The following WNT16 variants were observed in gnomAD, a reference collection of about 807,000 sequenced individuals.
WNT16 encodes Wnt family member 16.
Under a neutral mutation model 35.4 loss-of-function variants are expected in WNT16, and 20 were observed. The observed-to-expected ratio is 0.56, with a 90% CI of 0.40 to 0.82. The LOEUF (loss-of-function observed/expected upper bound fraction) is 0.82, where lower values mean the gene tolerates loss of function less well. WNT16 is among the 40% of genes least tolerant of loss of function. The pLI, the probability that WNT16 is intolerant of heterozygous loss-of-function variation, is 0.00. For missense variants in WNT16, 461 were observed against 466.0 expected (o/e 0.99, Z 0.10); for synonymous variants, 180 against 179.2 (o/e 1.00, Z -0.03).
Position 121,329,584 on chromosome 7 carries a change from C to T in WNT16, c.113C>T (p.Ser38Phe), listed in dbSNP as rs199729085. The change falls in exon 2 of 4, where the codon TCC (serine) becomes TTC (phenylalanine). Residue 38 changes from serine to phenylalanine, a missense_variant. Transcript: ENST00000222462. Reference sequence around the variant, plus strand: ...TCTTACAGGTGGTTGGGCATTGCCTCCTTCGGGGTTCCAGAGAAGCTGGGC... The same window carrying T: ...TCTTACAGGTGGTTGGGCATTGCCTTCTTCGGGGTTCCAGAGAAGCTGGGC... The part of the protein sequence containing the change: ...QGNWMWLGIA[S>F]FGVPEKLGCA... The T allele has an allele frequency of 1.2e-4, 187 of 1,614,098 alleles. No homozygotes were observed. Among genetic ancestry groups the T allele is most frequent in the Non-Finnish European group, 1.5e-4 (179 of 1,180,032 alleles).
chr7:121,328,968 G>C (rs1426148173), upstream of WNT16: 5 of 1,047,398 alleles, frequency 4.8e-6, no homozygotes, highest in Non-Finnish European at 5.8e-6. Flanking sequence ...GATGGGAGGA[G>C]AGGCCGGGGG....
chr7:121,329,367 C>T lies in WNT16; in HGVS notation c.75C>T (p.Tyr25=), dbSNP rs200254664. Residue 25 remains tyrosine, a synonymous_variant, in exon 1 of 4, where the codon TAC becomes TAT. Transcript: ENST00000222462. ...CAGCCCTGCTCGTGCTGTTCCCCTA[C>T]GGAGCCCAAGGAAACTGGATGTGAG... ...LWAALLVLFP[Y]GAQGNWMWLG... 9.9e-6 allele frequency: 16 copies of T among 1,610,430 alleles called. No individual in the cohort carries two copies. Among genetic ancestry groups the T allele is most frequent in the Admixed American group, 1.7e-5 (1 of 59,384 alleles).
chr7:121,329,828 G>A lies in WNT16; in HGVS notation c.346+11G>A. ...ACGAGCTGAGCAGCGGTGAGTCCTG[G>A]GTCCTTAGGGGTTGGTGGGGGACGG... On this transcript the variant is annotated intron_variant, in intron 2 of 3. Transcript: ENST00000222462. The A allele has an allele frequency of 6.3e-7, 1 of 1,596,332 alleles. No homozygotes were observed. The highest frequency in any genetic ancestry group is 8.5e-7 in the Non-Finnish European group (1 of 1,177,690).
chr7:121,338,057 G>T (rs984876599), intron 3 of WNT16, among the ~76,000 whole-genome samples: 7 of 152,170 alleles, frequency 4.6e-5, no homozygotes, highest in Admixed American at 2.0e-4. Context: ...AACCAGATTT[G>T]TCATAGTTTC....
In WNT16 at chr7:121,339,529, CAT is replaced by C; in HGVS notation, c.*185_*186del. ...TCCTTTATCTGATCAACCCATCAATCATGTGGATTTCTTGGGATTCTAATGTT... is the reference window on the plus strand; with the variant it reads ...TCCTTTATCTGATCAACCCATCAATCGTGGATTTCTTGGGATTCTAATGTT... On this transcript the variant is annotated 3_prime_UTR_variant, in exon 4 of 4. Coordinates refer to ENST00000222462, the MANE Select transcript of WNT16 (RefSeq NM_057168.2). 2 of 555,984 alleles carry C rather than the reference CAT, an allele frequency of 3.6e-6. No homozygotes were observed. Among genetic ancestry groups the C allele is most frequent in the Non-Finnish European group, 6.3e-6 (2 of 317,216 alleles). The allele number at this position is 555,984 out of a possible 1,614,324, so 34.4% of individuals were successfully genotyped here.
At position 121,329,558 on chromosome 7, in the gene WNT16, G is replaced by A; in HGVS notation, c.96-9G>A. ...GCGGCTTAACGCTACGGGCGGCCGTGTCTTACAGGTGGTTGGGCATTGCCT... is the reference window on the plus strand; with the variant it reads ...GCGGCTTAACGCTACGGGCGGCCGTATCTTACAGGTGGTTGGGCATTGCCT... On this transcript the variant is annotated splice_polypyrimidine_tract_variant and intron_variant, in intron 1 of 3. Transcript: ENST00000222462. 1.2e-6 allele frequency: 2 copies of A among 1,613,812 alleles called. No homozygotes were observed. Among genetic ancestry groups the A allele is most frequent in the Non-Finnish European group, 1.7e-6 (2 of 1,179,696 alleles).
chr7:121,338,259 G>A (rs887011469), intron 3 of WNT16, among the ~76,000 whole-genome samples: 5 of 152,094 alleles, frequency 3.3e-5, no homozygotes, highest in African/African-American at 7.2e-5. Flanking sequence ...CCCCCTGCCC[G>A]ACCAGTGAAA....
rs1191111101 is a variant in WNT16, at chr7:121,329,661, C to A, written c.190C>A (p.Pro64Thr). The A allele has an allele frequency of 1.2e-6, 2 of 1,614,086 alleles. No homozygotes were observed. Among genetic ancestry groups the A allele is most frequent in the Non-Finnish European group, 1.7e-6 (2 of 1,180,050 alleles). ...CCAGAAGGAGCTGTGCAAGAGGAAA[C>A]CGTACCTGCTGCCGAGCATCCGAGA... ...SRQKELCKRK[P>T]YLLPSIREGA... Residue 64 changes from proline to threonine, a missense_variant, in exon 2 of 4, where the codon CCG (proline) becomes ACG (threonine). Pro to Thr is a conservative substitution (Grantham distance 38). Coordinates refer to ENST00000222462, the MANE Select transcript of WNT16 (RefSeq NM_057168.2).
chr7:121,339,197 C>A lies in WNT16; in HGVS notation c.950C>A (p.Ala317Glu), dbSNP rs757088066. Residue 317 changes from alanine (A) to glutamate (E), a missense_variant, in exon 4 of 4, where the codon GCA becomes GAA. Ala to Glu is a moderately radical substitution (Grantham distance 107, BLOSUM62 -1). Coordinates refer to ENST00000222462, the MANE Select transcript of WNT16 (RefSeq NM_057168.2). ...GRECNRTSEG[A>E]DGCNLLCCGR... ...GAATGCAACCGTACATCAGAGGGTG[C>A]AGATGGCTGCAACCTCCTCTGCTGT... is the stretch of plus-strand genomic sequence containing the variant. The A allele has an allele frequency of 1.2e-6, 2 of 1,614,178 alleles. No homozygotes were observed. Among genetic ancestry groups the A allele is most frequent in the Non-Finnish European group, 8.5e-7 (1 of 1,180,024 alleles).
At position 121,329,372 on chromosome 7, in the gene WNT16, C is replaced by T; in HGVS notation, c.80C>T (p.Ala27Val). Residue 27 changes from alanine to valine, a missense_variant, in exon 1 of 4, where the codon GCC (alanine) becomes GTC (valine). Ala to Val is a moderately conservative substitution (Grantham distance 64). Transcript: ENST00000222462. ...CTGCTCGTGCTGTTCCCCTACGGAG[C>T]CCAAGGAAACTGGATGTGAGTATGG... is the stretch of plus-strand genomic sequence containing the variant. ...AALLVLFPYGAQGNWMWLGIA... is the reference protein window; with the variant it reads ...AALLVLFPYGVQGNWMWLGIA... The T allele has an allele frequency of 6.2e-7, 1 of 1,611,126 alleles. No individual in the cohort carries two copies.
At chr7:121,327,734 G>T (rs372968779), upstream of WNT16, among the ~76,000 whole-genome samples, 1 of 152,174 alleles carries the variant, frequency 6.6e-6, no homozygotes, top group African/African-American at 2.4e-5. Flanking sequence ...CACTTCAAAA[G>T]ATCTCTAAGG....
intron 3 of WNT16, among the ~76,000 whole-genome samples, chr7:121,333,920 T>A (rs1293468686): frequency 6.6e-6 from 1 of 152,012 alleles, no homozygotes; most frequent in Non-Finnish European, 1.5e-5. Flanking sequence ...ATATTTTTAT[T>A]AGTAACATTC....
chr7:121,334,870 G>T (rs904918051), intron 3 of WNT16, among the ~76,000 whole-genome samples: 1 of 151,884 alleles, frequency 6.6e-6, no homozygotes, highest in African/African-American at 2.4e-5. Context: ...TTCTTCCCAT[G>T]TCCACCTCAC....
At chr7:121,328,013 G>A (rs1793270682), upstream of WNT16, among the ~76,000 whole-genome samples, 1 of 152,158 alleles carries the variant, frequency 6.6e-6, no homozygotes, top group East Asian at 1.9e-4. Flanking sequence ...ACTTGTGTAT[G>A]GTTTATTTGT....
chr7:121,332,435 A>C (rs1433280564), intron 3 of WNT16, among the ~76,000 whole-genome samples: 1 of 152,228 alleles, frequency 6.6e-6, no homozygotes, highest in Non-Finnish European at 1.5e-5. Context: ...TAGATGCACA[A>C]TGCCTGTAGG....
In WNT16 at chr7:121,329,246, G is replaced by T. The variant is rs1368749179; in HGVS notation, c.-47G>T. 1 of 1,496,046 alleles carries T rather than the reference G, an allele frequency of 6.7e-7. No individual in the cohort carries two copies. The highest frequency in any genetic ancestry group is 8.9e-7 in the Non-Finnish European group (1 of 1,121,772). The allele number at this position is 1,496,046 out of a possible 1,614,324, so 92.7% of individuals were successfully genotyped here. A position where few individuals can be genotyped will look rare whatever the true frequency, so the allele number is the denominator to read the frequency against. ...GCGGCCCGAAGGGCCTCTGGGGAGGGGGTGCAAAAGAGGAGCGGCTGGGCT... is the reference window on the plus strand; with the variant it reads ...GCGGCCCGAAGGGCCTCTGGGGAGGTGGTGCAAAAGAGGAGCGGCTGGGCT... On this transcript the variant is annotated 5_prime_UTR_variant, in exon 1 of 4. Transcript: ENST00000222462.
intron 3 of WNT16, among the ~76,000 whole-genome samples, chr7:121,334,084 T>C (rs1793396488): frequency 1.3e-5 from 2 of 152,056 alleles, no homozygotes; most frequent in African/African-American, 2.4e-5. Context: ...AATCCATTTT[T>C]ATTGGCAAAA....
rs180678830 is a variant in WNT16, at chr7:121,334,117, G to A, written c.633+2153G>A. On this transcript the variant is annotated intron_variant, in intron 3 of 3. Coordinates refer to ENST00000222462, the MANE Select transcript of WNT16 (RefSeq NM_057168.2). ...AAAAATAATTTTCTAACATTACCTA[G>A]GTTCTTGCTATTATTCTAACTAGCT... Among the ~76,000 whole-genome samples, 139 of 151,862 alleles carry A rather than the reference G, an allele frequency of 9.2e-4. 3 individuals are homozygous for A. Among genetic ancestry groups the A allele is most frequent in the Middle Eastern group, 7.0e-3 (2 of 286 alleles).
chr7:121,338,510 A>G (rs1189176639), intron 3 of WNT16, among the ~76,000 whole-genome samples: 2 of 152,208 alleles, frequency 1.3e-5, no homozygotes, highest in African/African-American at 4.8e-5. Flanking sequence ...GTTGAATGGT[A>G]TCAGGAACAT....
Sources: gnomAD v4.1 joint callset for allele counts (sites outside exome capture counted in the v4.1 genomes callset) on GRCh38, gnomAD v4.1.1 for gene constraint, MANE v1.5 for transcripts, NCBI Gene and HGNC (gene_info 2026-07-23, HGNC 2026-07-21) for gene names.